The following NTMT1 variants were observed in gnomAD, a reference collection of about 807,000 sequenced individuals.
The protein encoded by NTMT1 is N-terminal Xaa-Pro-Lys N-methyltransferase 1.
Under a neutral mutation model 17.5 loss-of-function variants are expected in NTMT1, and 8 were observed. That is an observed-to-expected ratio of 0.46 (90% CI 0.27 to 0.82). NTMT1 has a LOEUF of 0.82. Among genes scored for constraint, NTMT1 ranks in the 40% least tolerant of loss-of-function variants. NTMT1 has a pLI of 0.15. For synonymous variants in NTMT1, 128 were observed against 126.8 expected, an observed-to-expected ratio of 1.01 and a Z score of -0.06; for missense variants, 221 against 303.5, an observed-to-expected ratio of 0.73 and a Z score of 2.02.
chr9:129,609,213 C>G (rs1459881435), intron 1 of NTMT1: 1 of 152,402 alleles, frequency 6.6e-6, no homozygotes, highest in Non-Finnish European at 1.5e-5. Context: ...TTTCAGTGTC[C>G]TTATCAGCAA....
upstream of NTMT1, among the ~76,000 whole-genome samples, chr9:129,623,134 C>G (rs1233080406): frequency 6.6e-6 from 1 of 151,952 alleles, no homozygotes; most frequent in Non-Finnish European, 1.5e-5. Flanking sequence ...GAGATCGAGA[C>G]CATCCTGGCT....
At chr9:129,623,342 A>AAG (rs71385443), upstream of NTMT1, among the ~76,000 whole-genome samples, 3,793 of 141,760 alleles carry the variant, frequency 0.027, 79 homozygotes, top group African/African-American at 0.053. Flanking sequence ...CAAAAAAAAA[A>AAG]AAAGAAGGAA....
At chr9:129,624,237 G>A (rs184202874), upstream of NTMT1, among the ~76,000 whole-genome samples, 1 of 152,346 alleles carries the variant, frequency 6.6e-6, no homozygotes, top group East Asian at 1.9e-4. Context: ...AGGCCTTGGA[G>A]CGTGGCTGTG....
Position 129,627,028 on chromosome 9 carries a change from G to C in NTMT1, c.-55+733G>C, listed in dbSNP as rs147794452. ...CCAGTGAGATGGGATGAGCCTCTGGGAGGAACCAGGGCTGGTATAAGGAGC... is the reference window on the plus strand; with the variant it reads ...CCAGTGAGATGGGATGAGCCTCTGGCAGGAACCAGGGCTGGTATAAGGAGC... On this transcript the variant is annotated intron_variant, in intron 1 of 3. Coordinates refer to ENST00000372483, the MANE Select transcript of NTMT1 (RefSeq NM_014064.4). Among the ~76,000 whole-genome samples, 1,144 of 152,350 alleles carry C rather than the reference G, an allele frequency of 7.5e-3. 15 individuals carry two copies. Among genetic ancestry groups the C allele is most frequent in the African/African-American group, 0.026 (1,070 of 41,568 alleles).
chr9:129,619,398 AG>A, intron 1 of NTMT1: 1 of 737,094 alleles, frequency 1.4e-6, no homozygotes, highest in Non-Finnish European at 2.3e-6. Flanking sequence ...GCCATATGTA[AG>A]GATGGATGAA....
chr9:129,610,403 C>T (rs1830087546), intron 1 of NTMT1, among the ~76,000 whole-genome samples: 2 of 151,804 alleles, frequency 1.3e-5, no homozygotes, highest in Admixed American at 1.3e-4. Context: ...CGGACTCCGG[C>T]TTCAGTGCTC....
chr9:129,620,653 C>G lies in NTMT1; in HGVS notation c.-55+11475C>G. The stretch of plus-strand genomic sequence containing the variant: ...CCGGCTGAGGTGGGGAGGGCATAGT[C>G]CAGCCCCAGGCCATAGTGCCCCGGG... On this transcript the variant is annotated intron_variant, in intron 1 of 3. Coordinates refer to the NTMT1 transcript ENST00000372486. The surrounding 1 kb of genome is among the most constrained non-coding windows in gnomAD (Gnocchi z 5.8). 1 of 1,225,082 alleles carries G rather than the reference C, an allele frequency of 8.2e-7. No homozygotes were observed. The highest frequency in any genetic ancestry group is 3.8e-5 in the Admixed American group (1 of 26,194). The allele number at this position is 1,225,082 out of a possible 1,614,324, so 75.9% of individuals were successfully genotyped here. A position where few individuals can be genotyped will look rare whatever the true frequency, so the allele number is the denominator to read the frequency against.
At position 129,613,340 on chromosome 9, in the gene NTMT1, A is replaced by C; in HGVS notation, c.-55+4162A>C. The C allele has an allele frequency of 6.4e-7, 1 of 1,567,282 alleles. No homozygotes were observed. ...AGGGCCCTTGAGGACCCACACTGGC[A>C]ACCCGCCTGCTGCTGGGTGGGGAGG... On this transcript the variant is annotated intron_variant, in intron 1 of 3. Transcript: ENST00000372486. This position sits in a 1 kb window ranked among gnomAD's most constrained non-coding sequence, Gnocchi z 6.2.
At chr9:129,621,447 C>A (rs765916889), upstream of NTMT1, among the ~76,000 whole-genome samples, 6 of 152,214 alleles carry the variant, frequency 3.9e-5, no homozygotes, top group Non-Finnish European at 7.3e-5. Context: ...GCCTCAAATT[C>A]TTGGGCTCAA....
intron 1 of NTMT1, chr9:129,619,412 G>T: frequency 1.3e-6 from 1 of 787,632 alleles, no homozygotes; most frequent in Non-Finnish European, 2.1e-6. Flanking sequence ...TGGATGAATG[G>T]GTAGATAGGT....
intron 1 of NTMT1, among the ~76,000 whole-genome samples, chr9:129,627,229 A>G (rs560848544): frequency 2.6e-5 from 4 of 152,292 alleles, no homozygotes; most frequent in Admixed American, 2.0e-4. Flanking sequence ...GATGGCATCT[A>G]AAAAATCTCG....
In NTMT1 at chr9:129,620,695, G is replaced by C; in HGVS notation, c.-55+11517G>C. ...TGCCCCGGGCGGGGCAGCGCGGTGC[G>C]GGGTGAACGCCACCGGCCCGGCGGA... On this transcript the variant is annotated intron_variant, in intron 1 of 3. Coordinates refer to the NTMT1 transcript ENST00000372486. This position sits in a 1 kb window ranked among gnomAD's most constrained non-coding sequence, Gnocchi z 5.8. 5.4e-6 allele frequency: 5 copies of C among 926,436 alleles called. No homozygotes were observed. Among genetic ancestry groups the C allele is most frequent in the Non-Finnish European group, 7.0e-6 (5 of 709,680 alleles). The allele number at this position is 926,436 out of a possible 1,614,324, so 57.4% of individuals were successfully genotyped here. A position where few individuals can be genotyped will look rare whatever the true frequency, so the allele number is the denominator to read the frequency against.
At chr9:129,623,562 G>A (rs1407538025), upstream of NTMT1, among the ~76,000 whole-genome samples, 1 of 152,132 alleles carries the variant, frequency 6.6e-6, no homozygotes, top group Non-Finnish European at 1.5e-5. Flanking sequence ...TATTTCACTG[G>A]CGTGGCATAG....
intron 2 of NTMT1, chr9:129,633,076 C>G: frequency 1.8e-6 from 1 of 545,030 alleles, no homozygotes; most frequent in Non-Finnish European, 3.2e-6. Flanking sequence ...CAGACAGGAG[C>G]TGGCTGTTAG....
chr9:129,611,887 G>T (rs12683657), intron 1 of NTMT1, among the ~76,000 whole-genome samples: 22,310 of 151,962 alleles, frequency 0.15, 2,228 homozygotes, highest in East Asian at 0.28. Flanking sequence ...CAAGTACCTG[G>T]GGCTAGAGGC....
At chr9:129,618,311 C>G (rs1428060938) in intron 1 of NTMT1, among the ~76,000 whole-genome samples, 1 of 152,170 alleles carries the variant, frequency 6.6e-6, no homozygotes, top group African/African-American at 2.4e-5. Context: ...TCTCTTACCT[C>G]CATCCCTTAG....
intron 1 of NTMT1, among the ~76,000 whole-genome samples, chr9:129,615,010 G>A (rs960873782): frequency 6.6e-6 from 1 of 152,248 alleles, no homozygotes; most frequent in African/African-American, 2.4e-5. Context: ...AGTGCCAACT[G>A]TCTCCAGGAG....
chr9:129,634,701 T>G, intron 3 of NTMT1: 1 of 224,110 alleles, frequency 4.5e-6, no homozygotes, highest in Non-Finnish European at 8.8e-6. Context: ...TCGAGCGCTG[T>G]GCCCTGGGCT....
At chr9:129,622,610 CA>C (rs370180848), upstream of NTMT1, among the ~76,000 whole-genome samples, 1 of 152,260 alleles carries the variant, frequency 6.6e-6, no homozygotes, top group East Asian at 1.9e-4. Flanking sequence ...TACTATGAAA[CA>C]CACACATATC....
Sources: gnomAD v4.1 joint callset for allele counts (sites outside exome capture counted in the v4.1 genomes callset) on GRCh38, gnomAD v4.1.1 for gene constraint, Gnocchi (gnomAD v3.1) non-coding constraint, MANE v1.5 for transcripts, NCBI Gene and HGNC (gene_info 2026-07-23, HGNC 2026-07-21) for gene names.